The following TRAPPC12 variants were observed in gnomAD, a reference collection of about 807,000 sequenced individuals.
TRAPPC12 encodes the protein TPR repeat protein 15.
A neutral mutation model predicts 69.2 loss-of-function variants in TRAPPC12; 61 were observed. The ratio of observed to expected loss-of-function variants is 0.88; its 90% CI spans 0.72 to 1.09. The LOEUF (loss-of-function observed/expected upper bound fraction) is 1.09. TRAPPC12 is among the 50% of genes least tolerant of loss of function. TRAPPC12 has a pLI of 0.00. For synonymous variants in TRAPPC12, 469 were observed against 438.9 expected, an observed-to-expected ratio of 1.07 and a Z score of -0.86; for missense variants, 1,101 against 1,016.4, an observed-to-expected ratio of 1.08 and a Z score of -1.13.
chr2:3,410,068 G>C (rs556506383), intron 3 of TRAPPC12, among the ~76,000 whole-genome samples: 2 of 152,316 alleles, frequency 1.3e-5, no homozygotes, highest in African/African-American at 4.8e-5. Context: ...TTGTGTTATC[G>C]TCTCAGGGAA....
At chr2:3,470,171 G>T (rs914000429) in intron 9 of TRAPPC12, among the ~76,000 whole-genome samples, 4 of 152,232 alleles carry the variant, frequency 2.6e-5, no homozygotes, top group African/African-American at 7.2e-5. Context: ...GGCCCATTCT[G>T]CTCACGCCCT....
chr2:3,424,591 G>A lies in TRAPPC12; in HGVS notation c.1345G>A (p.Glu449Lys). ...GLFQNAEMEF[E>K]PFGNLDQPDL... ...TTTCCAGAATGCTGAGATGGAATTTGAACCCTTCGGAAATCTTGATCAGCC... is the reference window on the plus strand; with the variant it reads ...TTTCCAGAATGCTGAGATGGAATTTAAACCCTTCGGAAATCTTGATCAGCC... The change falls in exon 5 of 12, where the codon GAA (glutamate) becomes AAA (lysine). Residue 449 changes from glutamate to lysine, a missense_variant. Glu to Lys is a moderately conservative substitution (Grantham distance 56). Coordinates refer to ENST00000324266, the MANE Select transcript of TRAPPC12 (RefSeq NM_016030.6). The A allele has an allele frequency of 3.1e-6, 5 of 1,614,094 alleles. No homozygotes were observed. The highest frequency in any genetic ancestry group is 4.2e-6 in the Non-Finnish European group (5 of 1,180,010).
intron 9 of TRAPPC12, among the ~76,000 whole-genome samples, chr2:3,474,719 T>C (rs2103172500): frequency 1.3e-5 from 2 of 152,342 alleles, no homozygotes; most frequent in Middle Eastern, 3.4e-3. Flanking sequence ...TGTCTTCATA[T>C]AAGTTAGAAG....
In TRAPPC12 at chr2:3,401,889, T is replaced by C. The variant is rs1436200002; in HGVS notation, c.1160T>C (p.Leu387Pro). The C allele has an allele frequency of 3.8e-6, 6 of 1,574,650 alleles. No individual in the cohort carries two copies. Among genetic ancestry groups the C allele is most frequent in the African/African-American group, 1.4e-5 (1 of 73,698 alleles). ...VEQSFVGLKQLISCRNWRAAV... is the reference protein window; with the variant it reads ...VEQSFVGLKQPISCRNWRAAV... The stretch of plus-strand genomic sequence containing the variant: ...CAATCTTTTGTTGGATTGAAACAGC[T>C]AATCGTAAGTGACAATGTGTTTGAT... The change falls in exon 3 of 12, where the codon CTA (leucine) becomes CCA (proline). Residue 387 changes from leucine (L) to proline (P), a missense_variant. Leu to Pro is a moderately conservative substitution (Grantham distance 98). Transcript: ENST00000324266.
intron 4 of TRAPPC12, among the ~76,000 whole-genome samples, chr2:3,423,398 T>C (rs1443816604): frequency 6.6e-6 from 1 of 151,954 alleles, no homozygotes; most frequent in African/African-American, 2.4e-5. Context: ...TAGTATACAT[T>C]GTAACTGTGT....
chr2:3,399,149 C>T (rs201879469), intron 2 of TRAPPC12, among the ~76,000 whole-genome samples: 2 of 152,246 alleles, frequency 1.3e-5, no homozygotes, highest in East Asian at 3.9e-4. Flanking sequence ...GCTAGTATCT[C>T]AGGAACTTGC....
chr2:3,436,662 C>G (rs566163363), intron 5 of TRAPPC12, among the ~76,000 whole-genome samples: 1 of 151,862 alleles, frequency 6.6e-6, no homozygotes, highest in African/African-American at 2.4e-5. Flanking sequence ...AAATTAATGG[C>G]GTTGCGTGTT....
At chr2:3,468,484 T>G (rs1414987809) in intron 9 of TRAPPC12, among the ~76,000 whole-genome samples, 1 of 152,088 alleles carries the variant, frequency 6.6e-6, no homozygotes, top group Non-Finnish European at 1.5e-5. Context: ...TGATAAAGTT[T>G]ATCCATGTGA....
At chr2:3,447,157 GTGGCGCTAT>G (rs551816723) in intron 6 of TRAPPC12, among the ~76,000 whole-genome samples, 104 of 151,760 alleles carry the variant, frequency 6.9e-4, no homozygotes, top group African/African-American at 2.5e-3. Context: ...CTGGAGTGCA[GTGGCGCTAT>G]TGGCTCACTG....
intron 2 of TRAPPC12, among the ~76,000 whole-genome samples, chr2:3,395,560 CTTT>C (rs10671671): frequency 2.5e-5 from 3 of 118,140 alleles, no homozygotes; most frequent in African/African-American, 6.5e-5. Flanking sequence ...AAAATTATTA[CTTT>C]TTTTTTTTTT....
chr2:3,391,782 T>C (rs774971744), intron 2 of TRAPPC12, among the ~76,000 whole-genome samples: 23 of 152,188 alleles, frequency 1.5e-4, no homozygotes, highest in Non-Finnish European at 3.2e-4. Context: ...CTTGTCTCTG[T>C]ATCCTGTCCC....
In TRAPPC12 at chr2:3,464,188, C is replaced by A. The variant is rs1234243427; in HGVS notation, c.1678-1409C>A. Reference sequence around the variant, plus strand: ...CGCTCACACTCATACACAATGCTCACACACGCTTACACACACATGCTCGCA... The same window carrying A: ...CGCTCACACTCATACACAATGCTCAAACACGCTTACACACACATGCTCGCA... On this transcript the variant is annotated intron_variant, in intron 8 of 11. Transcript: ENST00000324266. 5.9e-5 allele frequency among the ~76,000 whole-genome samples: 9 copies of A among 152,098 alleles called. No individual in the cohort carries two copies. The East Asian group carries it at 1.7e-3, about 29-fold the overall frequency.
chr2:3,452,728 TAGTC>T (rs1457720439), intron 6 of TRAPPC12, among the ~76,000 whole-genome samples: 4 of 152,206 alleles, frequency 2.6e-5, no homozygotes, highest in Admixed American at 6.5e-5. Flanking sequence ...TAATATTTAA[TAGTC>T]AGTGCAGCAT....
At chr2:3,437,217 C>A (rs1459167084) in intron 5 of TRAPPC12, among the ~76,000 whole-genome samples, 3 of 22,244 alleles carry the variant, frequency 1.3e-4, no homozygotes, top group African/African-American at 5.3e-4. Flanking sequence ...CTGGATTAAT[C>A]CCCCCATCAC....
chr2:3,393,756 T>C (rs1240063118), intron 2 of TRAPPC12, among the ~76,000 whole-genome samples: 1 of 151,496 alleles, frequency 6.6e-6, no homozygotes, highest in Non-Finnish European at 1.5e-5. Context: ...AGTGAGTAGC[T>C]CAGTCTTCTC....
chr2:3,440,255 T>C (rs1025576908), intron 5 of TRAPPC12, among the ~76,000 whole-genome samples: 22 of 152,356 alleles, frequency 1.4e-4, no homozygotes, highest in African/African-American at 4.3e-4. Context: ...TGATTGGGGC[T>C]GCATCGAATC....
At chr2:3,466,079 GGACA>G (rs1485689715) in intron 9 of TRAPPC12, among the ~76,000 whole-genome samples, 7 of 152,334 alleles carry the variant, frequency 4.6e-5, no homozygotes, top group African/African-American at 7.2e-5. Context: ...CATGTTTGCT[GGACA>G]GACAAAGTCC....
intron 2 of TRAPPC12, among the ~76,000 whole-genome samples, chr2:3,389,987 C>G (rs1330228135): frequency 1.3e-5 from 2 of 151,816 alleles, no homozygotes; most frequent in Non-Finnish European, 2.9e-5. Context: ...AAGGTGGGCA[C>G]GACAGTGGAA....
rs749141869 is a variant in TRAPPC12 at position 3,401,827 on chromosome 2, A to G, written c.1098A>G (p.Ala366=). The G allele has an allele frequency of 2.3e-5, 37 of 1,602,490 alleles. 1 individual carries two copies. The Admixed American group carries it at 6.0e-4, about 26-fold the overall frequency. The change falls in exon 3 of 12, where the codon GCA becomes GCG. Residue 366 remains alanine, a synonymous_variant. Transcript: ENST00000324266. ...TTCGCTTTCTGGGTGAAAAAGCTGC[A>G]GCAAAGAGACAAGTCCTAAATGCCG... The part of the protein sequence containing the change: ...LMLRFLGEKA[A]AKRQVLNADS...
Sources: gnomAD v4.1 joint callset for allele counts (sites outside exome capture counted in the v4.1 genomes callset) on GRCh38, gnomAD v4.1.1 for gene constraint, MANE v1.5 for transcripts, NCBI Gene and HGNC (gene_info 2026-07-23, HGNC 2026-07-21) for gene names.